SKAP2: variants seen among roughly 807,000 people sequenced by gnomAD.
SKAP2 encodes the protein src kinase associated phosphoprotein 2, also known as src kinase-associated phosphoprotein 2.
SKAP2 carries 28 observed loss-of-function variants against 54.9 expected under a neutral mutation model. The ratio of observed to expected loss-of-function variants is 0.51; its 90% CI spans 0.38 to 0.70. SKAP2 has a LOEUF of 0.70. Among genes scored for constraint, SKAP2 ranks in the 30% least tolerant of loss-of-function variants. SKAP2 has a pLI of 0.00. For synonymous variants in SKAP2, 137 were observed against 134.3 expected (o/e 1.02, Z -0.14); for missense variants, 356 against 424.1 (o/e 0.84, Z 1.41).
chr7:26,769,049 A>G (rs7794399), intron 4 of SKAP2, among the ~76,000 whole-genome samples: 69,428 of 151,952 alleles, frequency 0.46, 16,632 homozygotes, highest in African/African-American at 0.57. Flanking sequence ...CCTGAAGAGT[A>G]TTTTCCAACT....
the SKAP2 span, among the ~76,000 whole-genome samples, chr7:26,655,985 T>C: frequency 2.6e-5 from 4 of 152,194 alleles, no homozygotes; most frequent in Non-Finnish European, 5.9e-5. Context: ...GATCTTTTAG[T>C]AGATGGCATT....
At chr7:26,797,371 C>CT (rs1283393846) in intron 4 of SKAP2, among the ~76,000 whole-genome samples, 5 of 152,298 alleles carry the variant, frequency 3.3e-5, no homozygotes, top group Middle Eastern at 6.8e-3. Context: ...AAGAGAGACT[C>CT]TAAGTTTGGG....
chr7:26,784,476 T>G (rs1783496060), intron 4 of SKAP2, among the ~76,000 whole-genome samples: 1 of 152,226 alleles, frequency 6.6e-6, no homozygotes, highest in South Asian at 2.1e-4. Context: ...TACCAGAATA[T>G]CACTGCTTCT....
intron 4 of SKAP2, among the ~76,000 whole-genome samples, chr7:26,817,454 GTTA>G (rs1243829587): frequency 6.6e-6 from 1 of 151,922 alleles, no homozygotes; most frequent in Non-Finnish European, 1.5e-5. Context: ...AACTAAAGGA[GTTA>G]TTATTATATA....
chr7:26,851,581 G>GGA (rs1785044582), intron 3 of SKAP2, among the ~76,000 whole-genome samples: 1 of 152,058 alleles, frequency 6.6e-6, no homozygotes, highest in African/African-American at 2.4e-5. Flanking sequence ...TGGTGGGGGT[G>GGA]GGGAGGGATA....
chr7:26,701,734 TAAATAAATAAATAAATAAATAAAC>T (rs1787029695), intron 9 of SKAP2, among the ~76,000 whole-genome samples: 1 of 105,888 alleles, frequency 9.4e-6, no homozygotes, highest in Non-Finnish European at 2.1e-5. Flanking sequence ...CAAAAATAAA[TAAATAAATAAATAAATAAATAAAC>T]AAATAAATAA....
At position 26,705,331 on chromosome 7, in the gene SKAP2, A is replaced by G. The variant is rs557127551; in HGVS notation, c.797-14969T>C. On this transcript the variant is annotated intron_variant, in intron 9 of 12. Coordinates refer to ENST00000345317, the MANE Select transcript of SKAP2 (RefSeq NM_003930.5). Reference sequence around the variant, plus strand: ...TCCATCTAATTAAATAATGCAATCAAACATGTAAATTTAATGGCAAGCCCA... The same window carrying G: ...TCCATCTAATTAAATAATGCAATCAGACATGTAAATTTAATGGCAAGCCCA... Among the ~76,000 whole-genome samples, 16 of 152,348 alleles carry G rather than the reference A, an allele frequency of 1.1e-4. No homozygotes were observed. The South Asian group carries it at 3.1e-3, about 30-fold the overall frequency.
At chr7:26,659,868 C>CA in the SKAP2 span, among the ~76,000 whole-genome samples, 19 of 152,180 alleles carry the variant, frequency 1.2e-4, no homozygotes, top group African/African-American at 4.1e-4. Context: ...ATTAGAAAGA[C>CA]AACCTTTAAT....
At chr7:26,787,938 C>T (rs1482257813) in intron 4 of SKAP2, among the ~76,000 whole-genome samples, 1 of 152,170 alleles carries the variant, frequency 6.6e-6, no homozygotes, top group Non-Finnish European at 1.5e-5. Context: ...TCACTGCCAC[C>T]TCCACCTCCC....
chr7:26,766,610 G>C (rs1783062006), intron 4 of SKAP2, among the ~76,000 whole-genome samples: 1 of 152,112 alleles, frequency 6.6e-6, no homozygotes, highest in African/African-American at 2.4e-5. Context: ...CTGTGGGTTT[G>C]TCATAAATAG....
intron 11 of SKAP2, among the ~76,000 whole-genome samples, chr7:26,672,540 AC>A (rs1786264599): frequency 6.6e-6 from 1 of 152,058 alleles, no homozygotes; most frequent in Non-Finnish European, 1.5e-5. Flanking sequence ...TAGGAAACAT[AC>A]ACTTGATAAA....
At chr7:26,672,061 T>C (rs1786255594) in intron 11 of SKAP2, among the ~76,000 whole-genome samples, 1 of 151,956 alleles carries the variant, frequency 6.6e-6, no homozygotes, top group Non-Finnish European at 1.5e-5. Context: ...TTATTTGGAA[T>C]GAGAAAAGGA....
chr7:26,701,470 C>A (rs1362020128), intron 9 of SKAP2, among the ~76,000 whole-genome samples: 4 of 152,108 alleles, frequency 2.6e-5, no homozygotes. Context: ...CAGTGGCTCA[C>A]ACCTGTAATC....
intron 4 of SKAP2, among the ~76,000 whole-genome samples, chr7:26,800,033 A>G (rs1783878684): frequency 1.3e-5 from 2 of 152,028 alleles, no homozygotes; most frequent in Non-Finnish European, 2.9e-5. Flanking sequence ...CTGAGGCAGG[A>G]GAATGGCATG....
intron 4 of SKAP2, among the ~76,000 whole-genome samples, chr7:26,750,285 ACCTAATAG>A: frequency 6.6e-6 from 1 of 150,874 alleles, no homozygotes; most frequent in East Asian, 2.0e-4. Context: ...TACCTAATAT[ACCTAATAG>A]ATATACCTAA....
downstream of SKAP2, among the ~76,000 whole-genome samples, chr7:26,664,704 G>C (rs1429156413): frequency 1.5e-5 from 2 of 135,014 alleles, no homozygotes; most frequent in Non-Finnish European, 1.6e-5. Context: ...CCGAGTAATG[G>C]ATAACAAAAA....
At chr7:26,783,213 C>T (rs1365377021) in intron 4 of SKAP2, among the ~76,000 whole-genome samples, 1 of 152,098 alleles carries the variant, frequency 6.6e-6, no homozygotes, top group East Asian at 1.9e-4. Flanking sequence ...GGTATCCAGA[C>T]GTTGTTGTTG....
intron 11 of SKAP2, among the ~76,000 whole-genome samples, chr7:26,678,534 G>A (rs1056282202): frequency 2.7e-5 from 4 of 149,448 alleles, no homozygotes; most frequent in South Asian, 2.1e-4. Flanking sequence ...TCTACTTCCC[G>A]GGTTCAAGTG....
chr7:26,664,636 A>G (rs1786074612), downstream of SKAP2, among the ~76,000 whole-genome samples: 1 of 151,840 alleles, frequency 6.6e-6, no homozygotes, highest in South Asian at 2.1e-4. Context: ...ATATTTTTAT[A>G]TTAGAAAGTT....
Sources: gnomAD v4.1 joint callset for allele counts (sites outside exome capture counted in the v4.1 genomes callset) on GRCh38, gnomAD v4.1.1 for gene constraint, MANE v1.5 for transcripts, NCBI Gene and HGNC (gene_info 2026-07-23, HGNC 2026-07-21) for gene names.